BTAF1: variants seen among roughly 807,000 people sequenced by gnomAD.
BTAF1 encodes TATA-binding protein-associated factor 172.
BTAF1 carries 38 observed loss-of-function variants against 227.1 expected under a neutral mutation model. That is an observed-to-expected ratio of 0.17 (90% CI 0.13 to 0.22). The LOEUF (loss-of-function observed/expected upper bound fraction) is 0.22, where lower values mean the gene tolerates loss of function less well. Among genes scored for constraint, BTAF1 ranks in the 10% least tolerant of loss-of-function variants. The pLI is 1.00. For missense variants in BTAF1, 1,598 were observed against 2,204.0 expected (o/e 0.73, Z 5.51); for synonymous variants, 742 against 751.9 (o/e 0.99, Z 0.21).
intron 4 of BTAF1, among the ~76,000 whole-genome samples, chr10:91,947,599 T>C (rs1210887144): frequency 6.6e-6 from 1 of 152,122 alleles, no homozygotes. Context: ...TTGTCTAAAT[T>C]ATTGTTGCAT....
At chr10:91,971,838 ATT>A (rs11299264) in intron 14 of BTAF1, among the ~76,000 whole-genome samples, 3 of 148,554 alleles carry the variant, frequency 2.0e-5, no homozygotes, top group African/African-American at 5.0e-5. Flanking sequence ...AAATTTTGGG[ATT>A]TTTTTTTTTA....
intron 14 of BTAF1, among the ~76,000 whole-genome samples, chr10:91,978,509 TAAG>T (rs142524192): frequency 0.27 from 41,374 of 151,972 alleles, 6,870 homozygotes; most frequent in Non-Finnish European, 0.38. Flanking sequence ...AGTGAGAAAA[TAAG>T]AACTTTTTTC....
In BTAF1 at chr10:91,981,743, A is replaced by G; in HGVS notation, c.1856A>G (p.His619Arg). The G allele has an allele frequency of 2.5e-6, 4 of 1,613,786 alleles. No homozygotes were observed. Among genetic ancestry groups the G allele is most frequent in the Non-Finnish European group, 3.4e-6 (4 of 1,179,834 alleles). ...AWLCLMMQPS[H>R]LPIDLNMLLE... ...CTTTGCTTGATGATGCAGCCTTCTC[A>G]TTTACCTATCGATTTAAATATGTTG... The change falls in exon 16 of 38, where the codon CAT (histidine) becomes CGT (arginine). Residue 619 changes from histidine to arginine, a missense_variant. Coordinates refer to ENST00000265990, the MANE Select transcript of BTAF1 (RefSeq NM_003972.3).
intron 14 of BTAF1, among the ~76,000 whole-genome samples, chr10:91,978,395 G>A (rs1024398951): frequency 3.3e-5 from 5 of 152,042 alleles, no homozygotes; most frequent in Admixed American, 6.6e-5. Context: ...ATTTTGGGGG[G>A]AAAATCAGAA....
intron 1 of BTAF1, among the ~76,000 whole-genome samples, chr10:91,935,364 G>A (rs924340974): frequency 2.6e-5 from 4 of 152,072 alleles, no homozygotes; most frequent in Non-Finnish European, 5.9e-5. Flanking sequence ...GTAAATAGAC[G>A]GTTAACCAGC....
At chr10:91,976,463 C>G (rs1408953878) in intron 14 of BTAF1, among the ~76,000 whole-genome samples, 1 of 152,178 alleles carries the variant, frequency 6.6e-6, no homozygotes, top group Admixed American at 6.5e-5. Flanking sequence ...GCCCTCTAAT[C>G]ACATAGTTAG....
At chr10:91,991,619 G>A (rs951265820) in intron 20 of BTAF1, among the ~76,000 whole-genome samples, 3 of 151,492 alleles carry the variant, frequency 2.0e-5, no homozygotes, top group Admixed American at 1.3e-4. Context: ...GTGTGGTGGT[G>A]TGTGCCTGTA....
intron 1 of BTAF1, among the ~76,000 whole-genome samples, chr10:91,932,499 T>G (rs1844335855): frequency 6.6e-6 from 1 of 152,236 alleles, no homozygotes; most frequent in South Asian, 2.1e-4. Context: ...AAGTATAGTT[T>G]TAGTTACAGT....
At position 92,027,910 on chromosome 10, in the gene BTAF1, G is replaced by T. The variant is rs1281283515; in HGVS notation, c.5406+610G>T. Among the ~76,000 whole-genome samples, 4 of 152,114 alleles carry T rather than the reference G, an allele frequency of 2.6e-5. No individual in the cohort carries two copies. In the East Asian group the frequency reaches 7.7e-4, roughly 29 times the overall value. ...TGCATACTTAGTATAAATTATGGTGGGGTATATGATGATTAAAACTAGCTG... is the reference window on the plus strand; with the variant it reads ...TGCATACTTAGTATAAATTATGGTGTGGTATATGATGATTAAAACTAGCTG... On this transcript the variant is annotated intron_variant, in intron 37 of 37. Coordinates refer to ENST00000265990, the MANE Select transcript of BTAF1 (RefSeq NM_003972.3).
intron 14 of BTAF1, among the ~76,000 whole-genome samples, chr10:91,973,643 G>A (rs962240486): frequency 1.6e-4 from 24 of 152,006 alleles, no homozygotes; most frequent in Admixed American, 6.6e-5. Context: ...GGTGGCTCAC[G>A]CCTGTAATCC....
At chr10:92,007,549 G>A (rs1850010606) in intron 25 of BTAF1, among the ~76,000 whole-genome samples, 1 of 152,014 alleles carries the variant, frequency 6.6e-6, no homozygotes, top group African/African-American at 2.4e-5. Context: ...AAGTAACACT[G>A]GCTATTTGAA....
At chr10:91,974,190 G>A (rs1018299405) in intron 14 of BTAF1, among the ~76,000 whole-genome samples, 2 of 152,170 alleles carry the variant, frequency 1.3e-5, no homozygotes, top group African/African-American at 4.8e-5. Context: ...CTTGGCTATA[G>A]CTCAGTGTGT....
chr10:91,952,184 A>G (rs12259055), intron 5 of BTAF1, among the ~76,000 whole-genome samples: 1 of 151,232 alleles, frequency 6.6e-6, no homozygotes, highest in African/African-American at 2.4e-5. Flanking sequence ...GTGTGTGTAT[A>G]TATATATTCC....
intron 14 of BTAF1, among the ~76,000 whole-genome samples, chr10:91,969,040 A>G (rs1057305268): frequency 1.5e-5 from 2 of 130,470 alleles, no homozygotes; most frequent in African/African-American, 5.8e-5. Context: ...AAAAAAAAAA[A>G]TTTTTTTTTT....
intron 30 of BTAF1, 45 bp downstream of exon 30, chr10:92,011,460 T>C: frequency 1.0e-6 from 1 of 1,001,000 alleles, no homozygotes; most frequent in South Asian, 4.1e-5. Context: ...TATTTTTATT[T>C]TTCATGTTTG....
Position 91,924,109 on chromosome 10 carries a change from G to T in BTAF1, c.14+19G>T, listed in dbSNP as rs1189043943. The T allele has an allele frequency of 1.9e-6, 3 of 1,605,878 alleles. No homozygotes were observed. Among genetic ancestry groups the T allele is most frequent in the Non-Finnish European group, 8.5e-7 (1 of 1,177,122 alleles). ...TCTCCAGGTGGGTCTTGCTCCTGAC[G>T]AGCAAACTGGAAGGCGATTCAGGGA... On this transcript the variant is annotated intron_variant, in intron 1 of 37. Coordinates refer to ENST00000265990, the MANE Select transcript of BTAF1 (RefSeq NM_003972.3).
chr10:92,024,116 A>G (rs1289108846), intron 34 of BTAF1, among the ~76,000 whole-genome samples: 1 of 152,234 alleles, frequency 6.6e-6, no homozygotes, highest in Admixed American at 6.5e-5. Flanking sequence ...ATAAGTATAA[A>G]TGATCTATAG....
chr10:91,984,540 C>T (rs1011674021), intron 19 of BTAF1, 136 bp downstream of exon 19: 5 of 722,124 alleles, frequency 6.9e-6, no homozygotes, highest in Middle Eastern at 4.0e-4. Flanking sequence ...CATCTCTACC[C>T]TTGAGAAAGG....
At position 91,997,715 on chromosome 10, in the gene BTAF1, G is replaced by A. The variant is rs1217641475; in HGVS notation, c.3624G>A (p.Gln1208=). ...ACAGTGTGAGATTCATGGCCACGCA[G>A]TGCTTTGCAACGCTAATTAGACTCA... ...QTDSVRFMAT[Q]CFATLIRLMP... is the part of the protein sequence containing the mutation. The change falls in exon 25 of 38, where the codon CAG becomes CAA. Residue 1208 remains glutamine, a synonymous_variant. Coordinates refer to ENST00000265990, the MANE Select transcript of BTAF1 (RefSeq NM_003972.3). The A allele has an allele frequency of 6.2e-7, 1 of 1,613,974 alleles. No individual in the cohort carries two copies. Among genetic ancestry groups the A allele is most frequent in the Non-Finnish European group, 8.5e-7 (1 of 1,180,016 alleles).
Sources: gnomAD v4.1 joint callset for allele counts (sites outside exome capture counted in the v4.1 genomes callset) on GRCh38, gnomAD v4.1.1 for gene constraint, MANE v1.5 for transcripts, NCBI Gene and HGNC (gene_info 2026-07-23, HGNC 2026-07-21) for gene names.